Variants in CCNE2 observed in about 807,000 individuals in gnomAD.
CCNE2 encodes cyclin E2.
Under a neutral mutation model 56.8 loss-of-function variants are expected in CCNE2, and 18 were observed. The observed-to-expected ratio is 0.32, with a 90% CI of 0.22 to 0.47. The LOEUF is 0.47. CCNE2 is among the 20% of genes least tolerant of loss of function. The pLI is 1.00. For synonymous variants in CCNE2, 139 were observed against 149.2 expected (o/e 0.93, Z 0.50); for missense variants, 371 against 467.1 (o/e 0.79, Z 1.90).
chr8:94,885,150 A>G lies in CCNE2; in HGVS notation c.748T>C (p.Phe250Leu), dbSNP rs1390296159. The change falls in exon 9 of 12, where the codon TTT becomes CTT. Residue 250 changes from phenylalanine to leucine, a missense_variant. Coordinates refer to ENST00000308108, the MANE Select transcript of CCNE2 (RefSeq NM_057749.3). ...PVTIISWLNL[F>L]LQVDALKDAP... ...TCTTTAAGAGCATCAACTTGGAGAA[A>G]GAGATTTAGCCAGGAGATGATTGTT... 4 of 1,613,124 alleles carry G rather than the reference A, an allele frequency of 2.5e-6. No individual in the cohort carries two copies. Among genetic ancestry groups the G allele is most frequent in the South Asian group, 1.1e-5 (1 of 91,066 alleles).
chr8:94,886,359 G>C (rs1817039039), intron 7 of CCNE2, among the ~76,000 whole-genome samples: 1 of 152,034 alleles, frequency 6.6e-6, no homozygotes, highest in Non-Finnish European at 1.5e-5. Flanking sequence ...TTCAGTTAAA[G>C]AACAGCCAAA....
intron 1 of CCNE2, 136 bp from the exon 2 acceptor site, chr8:94,894,383 T>C (rs1817377128): frequency 1.3e-6 from 1 of 747,838 alleles, no homozygotes; most frequent in Non-Finnish European, 2.3e-6. Flanking sequence ...TGCCATCTTC[T>C]GTGCTATGTT....
At chr8:94,883,516 T>C (rs1464633500) in intron 9 of CCNE2, among the ~76,000 whole-genome samples, 9 of 152,090 alleles carry the variant, frequency 5.9e-5, no homozygotes, top group Non-Finnish European at 1.2e-4. Context: ...ACTCCTAAGG[T>C]GAAAAATAAA....
At chr8:94,895,273 C>A, upstream of CCNE2, 1 of 985,114 alleles carries the variant, frequency 1.0e-6, no homozygotes, top group Non-Finnish European at 1.2e-6. Context: ...CTCAGACTGA[C>A]ACCTCCGGAC....
At position 94,881,532 on chromosome 8, in the gene CCNE2, A is replaced by G; in HGVS notation, c.*100T>C. On this transcript the variant is annotated 3_prime_UTR_variant, in exon 12 of 12. Coordinates refer to ENST00000308108, the MANE Select transcript of CCNE2 (RefSeq NM_057749.3). Reference sequence around the variant, plus strand: ...GTGTAACTTGTGAATTGGCTAGGGCAATCAATCACAGCACTACTTTCTGTA... The same window carrying G: ...GTGTAACTTGTGAATTGGCTAGGGCGATCAATCACAGCACTACTTTCTGTA... 3.4e-6 allele frequency: 4 copies of G among 1,192,728 alleles called. No homozygotes were observed. Among genetic ancestry groups the G allele is most frequent in the Non-Finnish European group, 4.7e-6 (4 of 843,222 alleles). The allele number at this position is 1,192,728 out of a possible 1,614,324, so 73.9% of individuals were successfully genotyped here. A position where few individuals can be genotyped will look rare whatever the true frequency, so the allele number is the denominator to read the frequency against.
chr8:94,885,319 T>C (rs1033903733), intron 8 of CCNE2, 118 bp from the exon 9 acceptor site: 9 of 1,126,886 alleles, frequency 8.0e-6, no homozygotes, highest in Non-Finnish European at 1.2e-5. Flanking sequence ...GTCAATATTT[T>C]GATGCATTAA....
At chr8:94,892,638 T>C (rs1417638841) in intron 5 of CCNE2, among the ~76,000 whole-genome samples, 180 bp downstream of exon 5, 1 of 152,224 alleles carries the variant, frequency 6.6e-6, no homozygotes, top group Non-Finnish European at 1.5e-5. Flanking sequence ...AATCAGTGTT[T>C]TAAATACCCA....
chr8:94,893,708 G>C, intron 4 of CCNE2, 183 bp downstream of exon 4: 1 of 626,104 alleles, frequency 1.6e-6, no homozygotes, highest in Non-Finnish European at 2.8e-6. Flanking sequence ...TTATTCTGCA[G>C]CTGTAGTAGG....
At chr8:94,893,843 C>G in intron 4 of CCNE2, 48 bp downstream of exon 4, 1 of 1,513,448 alleles carries the variant, frequency 6.6e-7, no homozygotes, top group Non-Finnish European at 9.2e-7. Flanking sequence ...TCTTATTCAT[C>G]TATCCTCCAT....
In CCNE2 at chr8:94,894,267, A is replaced by C; in HGVS notation, c.-26-20T>G. On this transcript the variant is annotated intron_variant, in intron 1 of 11. Transcript: ENST00000308108. ...AAACCTCTGAAGGGGGGAGAGGAAA[A>C]GCCGCAGTCAAGTACATTGTCATTC... 1 of 1,611,552 alleles carries C rather than the reference A, an allele frequency of 6.2e-7. No individual in the cohort carries two copies. The highest frequency in any genetic ancestry group is 8.5e-7 in the Non-Finnish European group (1 of 1,179,262).
At chr8:94,895,229 T>C (rs1297985601), upstream of CCNE2, 6 of 985,076 alleles carry the variant, frequency 6.1e-6, no homozygotes, top group African/African-American at 1.8e-5. Context: ...ACCCAATATA[T>C]AGGCCGGGCC....
intron 9 of CCNE2, among the ~76,000 whole-genome samples, chr8:94,884,450 G>A (rs1458248751): frequency 6.6e-6 from 1 of 151,342 alleles, no homozygotes; most frequent in African/African-American, 2.4e-5. Flanking sequence ...AGGTTCCAGC[G>A]ATTCTCCTGC....
intron 7 of CCNE2, 100 bp from the exon 8 acceptor site, chr8:94,885,658 T>G (rs760228121): frequency 9.6e-6 from 5 of 520,002 alleles, no homozygotes; most frequent in Non-Finnish European, 1.7e-5. Context: ...AACCAAAATA[T>G]CATTTAAGTA....
chr8:94,893,329 T>G (rs1185355963), intron 4 of CCNE2, among the ~76,000 whole-genome samples: 1 of 152,052 alleles, frequency 6.6e-6, no homozygotes, highest in Non-Finnish European at 1.5e-5. Flanking sequence ...TTTTTTTTTT[T>G]TTTCAAATAA....
chr8:94,895,369 G>A, upstream of CCNE2: 1 of 537,544 alleles, frequency 1.9e-6, no homozygotes, highest in South Asian at 8.0e-5. Context: ...CGGAGCGGCC[G>A]TGGGGTCCAC....
At chr8:94,887,232 G>A (rs1047940514) in intron 7 of CCNE2, among the ~76,000 whole-genome samples, 28 of 152,204 alleles carry the variant, frequency 1.8e-4, no homozygotes, top group Non-Finnish European at 5.9e-5. Flanking sequence ...CTGGCCGGGT[G>A]CGGTGGCTCA....
chr8:94,896,270 CCCG>C (rs1249280461), upstream of CCNE2, among the ~76,000 whole-genome samples: 2 of 148,432 alleles, frequency 1.3e-5, no homozygotes, highest in Non-Finnish European at 1.5e-5. Context: ...CGCGCCCCGC[CCCG>C]CCGCCGCCGC....
intron 6 of CCNE2, 112 bp from the exon 7 acceptor site, chr8:94,888,185 G>T: frequency 1.5e-6 from 1 of 649,892 alleles, no homozygotes; most frequent in Non-Finnish European, 2.6e-6. Context: ...TGATAGCAAA[G>T]CTAAGATAGG....
intron 1 of CCNE2, among the ~76,000 whole-genome samples, chr8:94,894,845 A>G (rs1817412277): frequency 6.6e-6 from 1 of 152,170 alleles, no homozygotes; most frequent in African/African-American, 2.4e-5. Context: ...GGGCAGGAAA[A>G]GGAGCTAAAG....
Sources: gnomAD v4.1 joint callset for allele counts (sites outside exome capture counted in the v4.1 genomes callset) on GRCh38, gnomAD v4.1.1 for gene constraint, MANE v1.5 for transcripts, NCBI Gene and HGNC (gene_info 2026-07-23, HGNC 2026-07-21) for gene names.